The following GRM5 variants were observed in gnomAD, a reference collection of about 807,000 sequenced individuals.
The protein encoded by GRM5 is metabotropic glutamate receptor 5.
GRM5 carries 19 observed loss-of-function variants against 83.1 expected under a neutral mutation model. The ratio of observed to expected loss-of-function variants is 0.23; its 90% CI spans 0.16 to 0.34. The LOEUF is 0.34. Ranked by LOEUF, GRM5 falls within the 10% of genes least tolerant of loss-of-function variation. The pLI is 1.00. For missense variants in GRM5, 1,160 were observed against 1,588.3 expected, an observed-to-expected ratio of 0.73 and a Z score of 4.58; for synonymous variants, 675 against 633.6, an observed-to-expected ratio of 1.07 and a Z score of -0.98.
chr11:89,006,321 T>C (rs1294844256), intron 2 of GRM5, among the ~76,000 whole-genome samples: 1 of 152,222 alleles, frequency 6.6e-6, no homozygotes, highest in Admixed American at 6.5e-5. Context: ...AGATAAGTTA[T>C]GCATTTACTT....
chr11:88,691,628 C>T (rs1565188788), intron 3 of GRM5, among the ~76,000 whole-genome samples: 2 of 152,084 alleles, frequency 1.3e-5, no homozygotes, highest in African/African-American at 4.8e-5. Flanking sequence ...TCAACATCTA[C>T]TTTCATTTTG....
At chr11:88,906,634 A>T (rs534516794) in intron 2 of GRM5, among the ~76,000 whole-genome samples, 21 of 152,342 alleles carry the variant, frequency 1.4e-4, no homozygotes, top group African/African-American at 5.0e-4. Context: ...TCTCTGTGTC[A>T]GAAATAACCA....
chr11:88,865,796 C>T (rs1281328627), intron 2 of GRM5, among the ~76,000 whole-genome samples: 1 of 151,984 alleles, frequency 6.6e-6, no homozygotes, highest in African/African-American at 2.4e-5. Flanking sequence ...AGCCAACAAA[C>T]ATATGAAAAA....
chr11:89,022,589 T>C (rs1242227892), intron 2 of GRM5, among the ~76,000 whole-genome samples: 1 of 152,012 alleles, frequency 6.6e-6, no homozygotes, highest in East Asian at 1.9e-4. Context: ...GAGGCGGGGA[T>C]TGCAGTGAGC....
intron 2 of GRM5, among the ~76,000 whole-genome samples, chr11:88,911,511 C>T (rs1945498668): frequency 6.6e-6 from 1 of 152,148 alleles, no homozygotes; most frequent in African/African-American, 2.4e-5. Context: ...ATACTCTAAA[C>T]ACCTTTCTAT....
At chr11:88,717,355 C>T (rs1206974139) in intron 3 of GRM5, among the ~76,000 whole-genome samples, 2 of 151,810 alleles carry the variant, frequency 1.3e-5, no homozygotes, top group Non-Finnish European at 2.9e-5. Flanking sequence ...ATCATAGTGG[C>T]TAACATTATT....
intron 3 of GRM5, among the ~76,000 whole-genome samples, chr11:88,699,769 C>T (rs775476314): frequency 3.9e-5 from 6 of 152,066 alleles, no homozygotes; most frequent in Non-Finnish European, 7.4e-5. Context: ...AGGTCTAATG[C>T]CATTCACTTA....
intron 4 of GRM5, among the ~76,000 whole-genome samples, chr11:88,643,502 C>A (rs1171225219): frequency 6.6e-6 from 1 of 152,082 alleles, no homozygotes; most frequent in Non-Finnish European, 1.5e-5. Flanking sequence ...GGAACAGGAT[C>A]CCTTCTGAAG....
chr11:88,533,953 CT>C (rs1029648630), intron 8 of GRM5, among the ~76,000 whole-genome samples: 2 of 152,166 alleles, frequency 1.3e-5, no homozygotes, highest in Non-Finnish European at 2.9e-5. Context: ...AGAACTCAGA[CT>C]GTGGCTTCAG....
At chr11:88,885,339 T>A (rs1318421977) in intron 2 of GRM5, among the ~76,000 whole-genome samples, 3 of 151,616 alleles carry the variant, frequency 2.0e-5, no homozygotes, top group Admixed American at 6.6e-5. Flanking sequence ...ATTATTCCAC[T>A]TAAATTTCAT....
In GRM5 at chr11:88,604,800, A is replaced by G. The variant is rs373621626; in HGVS notation, c.1312T>C (p.Leu438=). ...AAATTGGTTTTCATCAGGGACTCCA[A>G]AAGTTTCCGTCCATCAATTGGCTTC... The part of the protein sequence containing the change: ...AMKPIDGRKL[L]ESLMKTNFTG... The change falls in exon 5 of 10, where the codon TTG becomes CTG. Residue 438 remains leucine (L), a synonymous_variant. Transcript: ENST00000305447. 4.3e-6 allele frequency: 7 copies of G among 1,613,650 alleles called. No homozygotes were observed. In the African/African-American group the frequency reaches 9.3e-5, roughly 22 times the overall value.
chr11:88,957,336 A>C (rs1938651180), intron 2 of GRM5, among the ~76,000 whole-genome samples: 1 of 152,234 alleles, frequency 6.6e-6, no homozygotes, highest in South Asian at 2.1e-4. Context: ...TCTCATAAAC[A>C]TTCAGAAGAG....
chr11:88,620,968 G>C (rs1011088199), intron 4 of GRM5, among the ~76,000 whole-genome samples: 22 of 152,138 alleles, frequency 1.4e-4, no homozygotes, highest in Non-Finnish European at 1.0e-4. Flanking sequence ...ACTTCTCCGT[G>C]CAGAACATCA....
At chr11:88,995,679 G>A (rs1940164330) in intron 2 of GRM5, among the ~76,000 whole-genome samples, 1 of 151,842 alleles carries the variant, frequency 6.6e-6, no homozygotes, top group African/African-American at 2.4e-5. Flanking sequence ...CAACTATGAT[G>A]GCTGCTGCAA....
intron 3 of GRM5, among the ~76,000 whole-genome samples, chr11:88,681,107 G>C (rs966571158): frequency 9.9e-5 from 10 of 100,988 alleles, no homozygotes; most frequent in African/African-American, 3.0e-4. Flanking sequence ...CAGAACTCTT[G>C]TCAGTATTTC....
chr11:88,738,882 T>G (rs72643314), intron 3 of GRM5, among the ~76,000 whole-genome samples: 11,969 of 152,136 alleles, frequency 0.079, 821 homozygotes, highest in African/African-American at 0.19. Context: ...TGAAATCAAC[T>G]GCTCTTGGCT....
intron 3 of GRM5, among the ~76,000 whole-genome samples, chr11:88,833,380 G>A (rs1229707136): frequency 6.6e-6 from 1 of 152,030 alleles, no homozygotes; most frequent in African/African-American, 2.4e-5. Flanking sequence ...GTACATGAAG[G>A]AATGCTCCAC....
intron 2 of GRM5, among the ~76,000 whole-genome samples, chr11:88,912,858 C>T (rs1052917557): frequency 2.0e-5 from 3 of 152,128 alleles, no homozygotes; most frequent in African/African-American, 7.2e-5. Context: ...ACCTATTGAC[C>T]TGTTGTCCTC....
chr11:88,516,660 C>A (rs1218898179), intron 9 of GRM5, among the ~76,000 whole-genome samples: 2 of 151,968 alleles, frequency 1.3e-5, no homozygotes, highest in Non-Finnish European at 2.9e-5. Context: ...GCAGATTCAC[C>A]ACCAATATGT....
Sources: allele counts gnomAD v4.1 joint callset (sites outside exome capture counted in the v4.1 genomes callset), GRCh38; gene constraint gnomAD v4.1.1; transcripts MANE v1.5; gene names NCBI Gene and HGNC (gene_info 2026-07-23, HGNC 2026-07-21).